The following EIF3H variants were observed in gnomAD, a reference collection of about 807,000 sequenced individuals.
EIF3H encodes the protein eIF-3-gamma.
EIF3H carries 26 observed loss-of-function variants against 44.2 expected under a neutral mutation model. The observed-to-expected ratio is 0.59, with a 90% CI of 0.43 to 0.82. EIF3H has a LOEUF of 0.82. Among genes scored for constraint, EIF3H ranks in the 40% least tolerant of loss-of-function variants. EIF3H has a pLI of 0.00. For missense variants in EIF3H, 359 were observed against 432.8 expected (o/e 0.83, Z 1.51); for synonymous variants, 166 against 151.9 (o/e 1.09, Z -0.68).
chr8:116,656,371 G>C (rs775302687), intron 4 of EIF3H, among the ~76,000 whole-genome samples: 2 of 152,096 alleles, frequency 1.3e-5, no homozygotes, highest in Non-Finnish European at 2.9e-5. Flanking sequence ...CTAGAAATGA[G>C]AAATACTCTA....
At chr8:116,703,488 G>GC in intron 2 of EIF3H, among the ~76,000 whole-genome samples, 1 of 152,198 alleles carries the variant, frequency 6.6e-6, no homozygotes, top group East Asian at 1.9e-4. Context: ...CAGCGGTCAC[G>GC]CTCCCGGTCC....
rs745812786 is a variant in EIF3H at position 116,646,552 on chromosome 8, G to C, written c.880C>G (p.Pro294Ala). The C allele has an allele frequency of 6.2e-7, 1 of 1,614,180 alleles. No homozygotes were observed. Among genetic ancestry groups the C allele is most frequent in the Non-Finnish European group, 8.5e-7 (1 of 1,180,030 alleles). ...GACAGGTCCTCCTCAGGGAGCGGGG[G>C]TTCTCCTCGGCTCTGGCGCTGCATA... Reference protein sequence around the residue: ...ENMQRQSRGEPPLPEEDLSKL... With the variant: ...ENMQRQSRGEAPLPEEDLSKL... Residue 294 changes from proline to alanine, a missense_variant, in exon 7 of 8, where the codon CCC becomes GCC. Around this residue, in one of 5 missense-constraint regions of EIF3H, gnomAD observed 94 missense variants for 96.0 expected, o/e 0.98. Transcript: ENST00000521861.
rs574382781 is a variant in EIF3H at position 116,743,118 on chromosome 8, C to T, written c.132+12548G>A. The stretch of plus-strand genomic sequence containing the variant: ...TACCAGTAAACCACACTTGAAAACA[C>T]CATCTACAAGCCCTCGTTTGGAGGA... On this transcript the variant is annotated intron_variant, in intron 1 of 7. Coordinates refer to ENST00000521861, the MANE Select transcript of EIF3H (RefSeq NM_003756.3). Among the ~76,000 whole-genome samples, 33 of 152,236 alleles carry T rather than the reference C, an allele frequency of 2.2e-4. No individual in the cohort carries two copies. In the South Asian group the frequency reaches 6.6e-3, roughly 31 times the overall value.
chr8:116,681,239 T>A (rs570223100), intron 2 of EIF3H, among the ~76,000 whole-genome samples: 2 of 152,120 alleles, frequency 1.3e-5, no homozygotes, highest in East Asian at 3.9e-4. Context: ...GGAGCACGCC[T>A]GTAGTCCTAG....
At chr8:116,747,880 TGG>T (rs896721508) in intron 1 of EIF3H, among the ~76,000 whole-genome samples, 1 of 152,162 alleles carries the variant, frequency 6.6e-6, no homozygotes, top group African/African-American at 2.4e-5. Context: ...GAGGCCAAGG[TGG>T]GTGGGTCACC....
intron 2 of EIF3H, among the ~76,000 whole-genome samples, chr8:116,671,729 G>A (rs1327890538): frequency 6.6e-6 from 1 of 152,160 alleles, no homozygotes; most frequent in South Asian, 2.1e-4. Context: ...AATGCTTAAC[G>A]TTTGTTCCCT....
At chr8:116,750,511 G>A (rs1209161065) in intron 1 of EIF3H, among the ~76,000 whole-genome samples, 2 of 149,790 alleles carry the variant, frequency 1.3e-5, no homozygotes, top group South Asian at 4.2e-4. Context: ...CCCGGTTCAT[G>A]CCATTCCCCT....
At chr8:116,714,240 CTTGT>C (rs1006198461) in intron 2 of EIF3H, among the ~76,000 whole-genome samples, 32 of 152,076 alleles carry the variant, frequency 2.1e-4, no homozygotes, top group Non-Finnish European at 3.4e-4. Flanking sequence ...ACACAACTTT[CTTGT>C]TTAACAGTTT....
rs980338575 is a variant in EIF3H at position 116,642,411 on chromosome 8, T to C, written c.*2595A>G. ...ACAACTACATCTCAATTTCCAAGCT[T>C]CCAAAAATAGGTAAAAAAATTATTT... On this transcript the variant is annotated 3_prime_UTR_variant, in exon 8 of 8. Coordinates refer to ENST00000521861, the MANE Select transcript of EIF3H (RefSeq NM_003756.3). 1 of 152,132 alleles carries C rather than the reference T, an allele frequency of 6.6e-6. No individual in the cohort carries two copies. The highest frequency in any genetic ancestry group is 1.5e-5 in the Non-Finnish European group (1 of 68,018). The allele number at this position is 152,132 out of a possible 1,614,324, so 9.4% of individuals were successfully genotyped here.
At position 116,685,416 on chromosome 8, in the gene EIF3H, C is replaced by T. The variant is rs539326246; in HGVS notation, c.290-26436G>A. On this transcript the variant is annotated intron_variant, in intron 2 of 7. Coordinates refer to ENST00000521861, the MANE Select transcript of EIF3H (RefSeq NM_003756.3). ...CAATGTGTTAACACTGAGCCTCACACAGTATTTGGAGAAACAGTTTTATAA... is the reference window on the plus strand; with the variant it reads ...CAATGTGTTAACACTGAGCCTCACATAGTATTTGGAGAAACAGTTTTATAA... Among the ~76,000 whole-genome samples the T allele has an allele frequency of 2.0e-4, 30 of 152,298 alleles. 1 individual carries two copies. The highest frequency in any genetic ancestry group is 6.2e-4 in the South Asian group (3 of 4,822).
At position 116,642,887 on chromosome 8, in the gene EIF3H, A is replaced by T. The variant is rs1315392382; in HGVS notation, c.*2119T>A. 6.6e-6 allele frequency: 1 copy of T among 152,256 alleles called. No individual in the cohort carries two copies. The highest frequency in any genetic ancestry group is 1.5e-5 in the Non-Finnish European group (1 of 68,040). 9.4% of individuals were successfully genotyped at this position (152,256 alleles called of 1,614,324 possible). A position where few individuals can be genotyped will look rare whatever the true frequency, so the allele number is the denominator to read the frequency against. ...TAATTCCCAAATCAAAAATTACTGA[A>T]ATCTTTCATTAAGTGTGTATTCATG... is the stretch of plus-strand genomic sequence containing the variant. On this transcript the variant is annotated 3_prime_UTR_variant, in exon 8 of 8. Transcript: ENST00000521861.
intron 2 of EIF3H, among the ~76,000 whole-genome samples, chr8:116,690,080 T>G (rs546715469): frequency 2.6e-5 from 4 of 152,316 alleles, no homozygotes; most frequent in African/African-American, 9.6e-5. Context: ...ATCTGTTTTT[T>G]CAGAGGATAC....
At chr8:116,755,618 G>T in intron 1 of EIF3H, 48 bp downstream of exon 1, 1 of 1,610,934 alleles carries the variant, frequency 6.2e-7, no homozygotes, top group Non-Finnish European at 8.5e-7. Flanking sequence ...GGACGGGGCT[G>T]GGAACTGCGC....
chr8:116,765,638 T>C (rs139363743), exon 1 of EIF3H: 205 of 152,382 alleles, frequency 1.3e-3, no homozygotes, highest in African/African-American at 4.8e-3. Context: ...TTCCTGTTAC[T>C]GGCCCAGTAT....
intron 2 of EIF3H, chr8:116,697,108 G>A (rs1814282371): frequency 2.2e-6 from 1 of 456,216 alleles, no homozygotes; most frequent in Non-Finnish European, 4.4e-6. Flanking sequence ...AGCTGTCCCT[G>A]GTGAATCTCA....
At chr8:116,650,370 C>T (rs1478102370) in intron 5 of EIF3H, among the ~76,000 whole-genome samples, 1 of 152,140 alleles carries the variant, frequency 6.6e-6, no homozygotes, top group Non-Finnish European at 1.5e-5. Context: ...AGCAATTCCA[C>T]TCTTATGAAT....
chr8:116,694,144 CTTT>C (rs201448890), intron 2 of EIF3H, among the ~76,000 whole-genome samples: 3 of 144,944 alleles, frequency 2.1e-5, no homozygotes, highest in Non-Finnish European at 3.1e-5. Flanking sequence ...ATGAGCAAAC[CTTT>C]TTTTTTTTTT....
chr8:116,652,916 GAAGC>G (rs1813420592), intron 5 of EIF3H, among the ~76,000 whole-genome samples: 1 of 152,178 alleles, frequency 6.6e-6, no homozygotes, highest in Admixed American at 6.5e-5. Flanking sequence ...TGAGCAACCT[GAAGC>G]CCAAAGGGCT....
rs532171976 is a variant in EIF3H, at chr8:116,762,522, C to T, written c.-27+2993G>A. ...GAAGGAGATATAAAACACAAAAGTGCCCACTGCCAAGCTAAGTTGACTTCC... is the reference window on the plus strand; with the variant it reads ...GAAGGAGATATAAAACACAAAAGTGTCCACTGCCAAGCTAAGTTGACTTCC... On this transcript the variant is annotated intron_variant, in intron 1 of 9. Transcript: ENST00000276682. Among the ~76,000 whole-genome samples the T allele has an allele frequency of 1.6e-4, 25 of 152,308 alleles. 1 individual carries two copies. The South Asian group carries it at 2.9e-3, about 18-fold the overall frequency.
Sources: allele counts gnomAD v4.1 joint callset (sites outside exome capture counted in the v4.1 genomes callset), GRCh38; gene constraint gnomAD v4.1.1; regional missense constraint gnomAD v4.1.1; transcripts MANE v1.5; gene names NCBI Gene and HGNC (gene_info 2026-07-23, HGNC 2026-07-21).